RASSF3: variants seen among roughly 807,000 people sequenced by gnomAD.
RASSF3 encodes Ras association domain family member 3.
In RASSF3, 19 loss-of-function variants were observed where a neutral mutation model predicts 19.9. That is an observed-to-expected ratio of 0.96 (90% confidence interval 0.67 to 1.40). The LOEUF is 1.40. Among genes scored for constraint, RASSF3 ranks in the 40% most tolerant of loss-of-function variants. RASSF3 has a pLI of 0.00. For missense variants in RASSF3, 306 were observed against 289.8 expected (o/e 1.06, Z -0.41); for synonymous variants, 110 against 104.2 (o/e 1.06, Z -0.34).
chr12:64,622,871 A>G (rs1870834051), intron 1 of RASSF3, among the ~76,000 whole-genome samples: 1 of 150,324 alleles, frequency 6.7e-6, no homozygotes, highest in Non-Finnish European at 1.5e-5. Flanking sequence ...CCCAGGCTGT[A>G]GTACAGTGGC....
chr12:64,685,244 T>TTTTTG (rs972315985), intron 2 of RASSF3, among the ~76,000 whole-genome samples: 7 of 151,998 alleles, frequency 4.6e-5, no homozygotes, highest in Non-Finnish European at 1.0e-4. Context: ...CAGGTAAGGT[T>TTTTTG]TTTTGTTTTG....
chr12:64,579,346 C>CTTTTTTTTT (rs1265939630), intron 2 of RASSF3, among the ~76,000 whole-genome samples: 2 of 117,056 alleles, frequency 1.7e-5, no homozygotes, highest in Admixed American at 9.9e-5. Flanking sequence ...TAGCCAAGTT[C>CTTTTTTTTT]TTTTTTTTTT....
At chr12:64,626,667 T>C (rs1871008374) in intron 1 of RASSF3, among the ~76,000 whole-genome samples, 1 of 152,076 alleles carries the variant, frequency 6.6e-6, no homozygotes, top group Non-Finnish European at 1.5e-5. Context: ...ACTCAAGTGA[T>C]CCTCCCACCT....
At chr12:64,694,284 G>A (rs1022391701) in intron 4 of RASSF3, among the ~76,000 whole-genome samples, 1 of 152,182 alleles carries the variant, frequency 6.6e-6, no homozygotes, top group African/African-American at 2.4e-5. Context: ...CTGTTCCAGC[G>A]ATGCAGGAAT....
At chr12:64,684,651 G>A in intron 1 of RASSF3, 136 bp from the exon 2 acceptor site, 1 of 591,204 alleles carries the variant, frequency 1.7e-6, no homozygotes, top group Admixed American at 2.8e-5. Flanking sequence ...GGGTGGTATT[G>A]AACTCCCAAC....
chr12:64,692,878 T>C lies in RASSF3; in HGVS notation c.567+1299T>C, dbSNP rs73323418. 5.8e-3 allele frequency among the ~76,000 whole-genome samples: 882 copies of C among 152,226 alleles called. 12 individuals carry two copies. Among genetic ancestry groups the C allele is most frequent in the African/African-American group, 0.02 (829 of 41,534 alleles). ...AGGCATGAGCCACTGCACCTGGCCT[T>C]AACTTAGTTTTGAAATTGACTTGAC... On this transcript the variant is annotated intron_variant, in intron 4 of 4. Transcript: ENST00000542104.
chr12:64,518,002 G>A (rs369953282), intron 1 of RASSF3, among the ~76,000 whole-genome samples: 1 of 151,882 alleles, frequency 6.6e-6, no homozygotes, highest in Non-Finnish European at 1.5e-5. Context: ...AGTTGGGACA[G>A]GGAAAAATGG....
intron 2 of RASSF3, among the ~76,000 whole-genome samples, chr12:64,549,243 G>C (rs1869117295): frequency 6.6e-6 from 1 of 152,180 alleles, no homozygotes; most frequent in African/African-American, 2.4e-5. Flanking sequence ...CGGGTGCAGT[G>C]GTTCTGGCCT....
chr12:64,528,140 G>A (rs901465119), intron 1 of RASSF3, among the ~76,000 whole-genome samples: 1 of 151,976 alleles, frequency 6.6e-6, no homozygotes, highest in Non-Finnish European at 1.5e-5. Context: ...GGGCATGGTG[G>A]TGCACACCTG....
intron 1 of RASSF3, among the ~76,000 whole-genome samples, chr12:64,645,000 G>A (rs1871680580): frequency 6.6e-6 from 1 of 152,148 alleles, no homozygotes; most frequent in Non-Finnish European, 1.5e-5. Context: ...GGTTGAGGCT[G>A]CAGTGAGCCA....
chr12:64,542,359 A>T (rs1327167787), downstream of RASSF3, among the ~76,000 whole-genome samples: 1 of 152,158 alleles, frequency 6.6e-6, no homozygotes, highest in Admixed American at 6.6e-5. Context: ...GAACCTGAGC[A>T]TGAACACTGT....
intron 1 of RASSF3, among the ~76,000 whole-genome samples, chr12:64,648,520 CTT>C (rs796182763): frequency 3.5e-5 from 5 of 143,372 alleles, no homozygotes; most frequent in African/African-American, 7.6e-5. Context: ...ACTCATAAAG[CTT>C]TTTTTTTTTT....
rs1358173787 is a variant in RASSF3 at position 64,566,049 on chromosome 12, A to C, written c.294+24344A>C. On this transcript the variant is annotated intron_variant, in intron 2 of 5. Coordinates refer to the RASSF3 transcript ENST00000637125. ...AACACCATCTCTACTAAAAATACAA[A>C]AATGAGCTGGGTGTGGTGGCAGGCA... 2.0e-5 allele frequency among the ~76,000 whole-genome samples: 3 copies of C among 151,662 alleles called. No homozygotes were observed. The East Asian group carries it at 5.8e-4, about 29-fold the overall frequency.
At chr12:64,611,564 T>G (rs1870365723) in intron 1 of RASSF3, 1 of 152,242 alleles carries the variant, frequency 6.6e-6, no homozygotes, top group African/African-American at 2.4e-5. Context: ...AGGAGCCCGG[T>G]GCTAGAGCCC....
At chr12:64,591,863 A>G (rs896844756) in intron 2 of RASSF3, among the ~76,000 whole-genome samples, 2 of 150,938 alleles carry the variant, frequency 1.3e-5, no homozygotes, top group Non-Finnish European at 2.9e-5. Flanking sequence ...GTTTCCCTCT[A>G]TCCCCCTACA....
chr12:64,620,644 A>G (rs1034059327), intron 1 of RASSF3, among the ~76,000 whole-genome samples: 6 of 152,168 alleles, frequency 3.9e-5, no homozygotes, highest in African/African-American at 1.2e-4. Context: ...AATATTGGAA[A>G]ATGTGGAGGT....
chr12:64,534,859 T>TTAGTGGTAG (rs1173966704), intron 1 of RASSF3, among the ~76,000 whole-genome samples: 3 of 152,200 alleles, frequency 2.0e-5, no homozygotes, highest in African/African-American at 7.2e-5. Context: ...CGTGACCATC[T>TTAGTGGTAG]TACTACCATT....
At chr12:64,679,245 G>C (rs572761342) in intron 1 of RASSF3, among the ~76,000 whole-genome samples, 39 of 152,286 alleles carry the variant, frequency 2.6e-4, no homozygotes, top group African/African-American at 8.9e-4. Context: ...ATTTTTTGTA[G>C]AGATGGGGTT....
chr12:64,519,046 C>T (rs933043726), intron 1 of RASSF3, among the ~76,000 whole-genome samples: 3 of 152,140 alleles, frequency 2.0e-5, no homozygotes, highest in Admixed American at 1.3e-4. Flanking sequence ...CATGATTGAT[C>T]ATGCATGGGT....
Sources: gnomAD v4.1 joint callset for allele counts (sites outside exome capture counted in the v4.1 genomes callset) on GRCh38, gnomAD v4.1.1 for gene constraint, MANE v1.5 for transcripts, NCBI Gene and HGNC (gene_info 2026-07-23, HGNC 2026-07-21) for gene names.